The following MLXIPL variants were observed in gnomAD, a reference collection of about 807,000 sequenced individuals.
MLXIPL encodes the protein carbohydrate-responsive element-binding protein.
Under a neutral mutation model 81.5 loss-of-function variants are expected in MLXIPL, and 49 were observed. That is an observed-to-expected ratio of 0.60 (90% CI 0.48 to 0.76). The LOEUF (loss-of-function observed/expected upper bound fraction) is 0.76, where lower values mean the gene tolerates loss of function less well. Among genes scored for constraint, MLXIPL ranks in the 30% least tolerant of loss-of-function variants. The probability of loss-of-function intolerance (pLI) is 0.00; values close to 1 mark genes in which losing one functional copy is unlikely to be tolerated. For synonymous variants in MLXIPL, 466 were observed against 485.5 expected (o/e 0.96, Z 0.53); for missense variants, 1,053 against 1,167.0 (o/e 0.90, Z 1.42).
At chr7:73,637,634 C>G in the MLXIPL span, among the ~76,000 whole-genome samples, 2 of 151,500 alleles carry the variant, frequency 1.3e-5, no homozygotes, top group South Asian at 4.2e-4. Context: ...CCCCATTGCC[C>G]CGTTGTATAG....
rs1299945475 is a variant in MLXIPL, at chr7:73,597,713, C to A, written c.1072G>T (p.Ala358Ser). 5 of 1,336,634 alleles carry A rather than the reference C, an allele frequency of 3.7e-6. No homozygotes were observed. Among genetic ancestry groups the A allele is most frequent in the Non-Finnish European group, 4.8e-6 (5 of 1,046,500 alleles). 82.8% of individuals were successfully genotyped at this position (1,336,634 alleles called of 1,614,324 possible). A position where few individuals can be genotyped will look rare whatever the true frequency, so the allele number is the denominator to read the frequency against. The change falls in exon 9 of 17, where the codon GCT becomes TCT. Residue 358 changes from alanine (A) to serine (S), a missense_variant and splice_region_variant. By Grantham distance (99) the Ala-to-Ser change is moderately conservative. This residue lies in a region of MLXIPL where 823 missense variants were observed against 933.0 expected (regional missense o/e 0.88). Coordinates refer to ENST00000313375, the MANE Select transcript of MLXIPL (RefSeq NM_032951.3). The part of the protein sequence containing the change: ...THLSGHSRLQ[A>S]RNSCPGPLDS... ...AAGGGGCCAGGGCAGCTGTTCCGAGCCTGGTTGGGGGGACAGACAGACACT... is the reference window on the plus strand; with the variant it reads ...AAGGGGCCAGGGCAGCTGTTCCGAGACTGGTTGGGGGGACAGACAGACACT...
chr7:73,595,705 C>A lies in MLXIPL; in HGVS notation c.2242G>T (p.Asp748Tyr). 2 of 1,613,938 alleles carry A rather than the reference C, an allele frequency of 1.2e-6. No homozygotes were observed. Among genetic ancestry groups the A allele is most frequent in the Non-Finnish European group, 1.7e-6 (2 of 1,179,888 alleles). ...TCATCAAACATGTCTCGCATCTGGT[C>A]AAAACGCTGGTGTGTGATGGGTACC... ...TGVPITHQRF[D>Y]QMRDMFDDYV... The change falls in exon 15 of 17, where the codon GAC becomes TAC. Residue 748 changes from aspartate to tyrosine, a missense_variant. By Grantham distance (160) the Asp-to-Tyr change is radical (BLOSUM62 -3). Transcript: ENST00000313375.
At chr7:73,597,793 G>T in intron 8 of MLXIPL, 80 bp from the exon 9 acceptor site, 1 of 1,132,508 alleles carries the variant, frequency 8.8e-7, no homozygotes, top group Non-Finnish European at 1.1e-6. Flanking sequence ...CCCCTGCCCT[G>T]CCTTGCCCTG....
intron 2 of MLXIPL, among the ~76,000 whole-genome samples, chr7:73,608,702 C>T (rs1374992956): frequency 6.6e-6 from 1 of 152,214 alleles, no homozygotes; most frequent in African/African-American, 2.4e-5. Flanking sequence ...GAGAACCACC[C>T]TTGGTTCACT....
At chr7:73,599,819 G>A (rs72649015) in intron 7 of MLXIPL, 124 bp from the exon 8 acceptor site, 68,541 of 890,886 alleles carry the variant, frequency 0.077, 3,054 homozygotes, top group Middle Eastern at 0.15. Flanking sequence ...CGGGCAGAGG[G>A]TGGGGGTCCC....
chr7:73,624,345 C>G lies in MLXIPL; in HGVS notation c.148G>C (p.Gly50Arg), dbSNP rs898386945. 2.3e-5 allele frequency: 36 copies of G among 1,586,898 alleles called. No homozygotes were observed. Among genetic ancestry groups the G allele is most frequent in the Non-Finnish European group, 3.1e-5 (36 of 1,169,696 alleles). ...GLLRSQVIHSGHFMVSSPHSD... is the reference protein window; with the variant it reads ...GLLRSQVIHSRHFMVSSPHSD... ...TGCGGCGACGACACCATGAAGTGAC[C>G]GCTGTGGATGACCTGCGAGCGGAGC... The change falls in exon 1 of 17, where the codon GGT (glycine) becomes CGT (arginine). Residue 50 changes from glycine to arginine, a missense_variant. Gly to Arg is a moderately radical substitution (Grantham distance 125). Transcript: ENST00000313375.
At chr7:73,633,321 A>T in the MLXIPL span, among the ~76,000 whole-genome samples, 1 of 149,566 alleles carries the variant, frequency 6.7e-6, no homozygotes, top group Non-Finnish European at 1.5e-5. Flanking sequence ...TGACCTTGTG[A>T]TCCACCTGCC....
At chr7:73,647,476 C>T in the MLXIPL span, among the ~76,000 whole-genome samples, 5 of 152,176 alleles carry the variant, frequency 3.3e-5, no homozygotes, top group African/African-American at 1.2e-4. Context: ...CAGCCCAGTC[C>T]AGCCAGTGGG....
At position 73,593,744 on chromosome 7, in the gene MLXIPL, C is replaced by A; in HGVS notation, c.*121G>T. The A allele has an allele frequency of 2.2e-6, 2 of 915,768 alleles. No homozygotes were observed. The highest frequency in any genetic ancestry group is 4.9e-5 in the East Asian group (2 of 41,214). 56.7% of individuals were successfully genotyped at this position (915,768 alleles called of 1,614,324 possible). On this transcript the variant is annotated 3_prime_UTR_variant, in exon 17 of 17. Coordinates refer to ENST00000313375, the MANE Select transcript of MLXIPL (RefSeq NM_032951.3). ...GAAACCTGGACCCTGCTCCACCCCCCAGGGAAGGGCAGAGCCAGGGCCTGG... is the reference window on the plus strand; with the variant it reads ...GAAACCTGGACCCTGCTCCACCCCCAAGGGAAGGGCAGAGCCAGGGCCTGG...
the MLXIPL span, among the ~76,000 whole-genome samples, chr7:73,647,568 G>A: frequency 6.6e-6 from 1 of 152,194 alleles, no homozygotes; most frequent in South Asian, 2.1e-4. Flanking sequence ...AGTCCTCCCT[G>A]GGGTACGAGT....
chr7:73,631,558 CTTTTTTTT>C, the MLXIPL span, among the ~76,000 whole-genome samples: 5 of 69,662 alleles, frequency 7.2e-5, no homozygotes, highest in African/African-American at 1.1e-4. Flanking sequence ...GATGTTGCTA[CTTTTTTTT>C]TTTTTTTTTT....
At chr7:73,640,582 G>A in the MLXIPL span, among the ~76,000 whole-genome samples, 1 of 151,836 alleles carries the variant, frequency 6.6e-6, no homozygotes, top group Non-Finnish European at 1.5e-5. Context: ...TTCGAGGCCA[G>A]CCTGGCCAAC....
chr7:73,618,469 G>A (rs1228713060), intron 1 of MLXIPL, among the ~76,000 whole-genome samples: 1 of 151,942 alleles, frequency 6.6e-6, no homozygotes, highest in Non-Finnish European at 1.5e-5. Context: ...GGGGTGAAAT[G>A]TGGGTGGGTG....
chr7:73,608,190 CT>C (rs1795452952), intron 2 of MLXIPL, among the ~76,000 whole-genome samples: 2 of 152,180 alleles, frequency 1.3e-5, no homozygotes, highest in South Asian at 4.1e-4. Context: ...TGAATCCAAC[CT>C]CCCACACCTT....
chr7:73,606,280 T>A, intron 5 of MLXIPL, 169 bp from the exon 6 acceptor site: 1 of 688,154 alleles, frequency 1.5e-6, no homozygotes, highest in South Asian at 1.7e-5. Context: ...CCAAGATCAC[T>A]CCATTGGCCT....
At chr7:73,635,780 G>A in the MLXIPL span, among the ~76,000 whole-genome samples, 1 of 151,798 alleles carries the variant, frequency 6.6e-6, no homozygotes. Flanking sequence ...ATGTCTATCT[G>A]TCCATCCATC....
At chr7:73,630,644 A>C in the MLXIPL span, among the ~76,000 whole-genome samples, 1 of 152,166 alleles carries the variant, frequency 6.6e-6, no homozygotes, top group Non-Finnish European at 1.5e-5. Context: ...CCTTTGCTGA[A>C]GGTCACATGA....
intron 16 of MLXIPL, 42 bp downstream of exon 16, chr7:73,594,232 G>C (rs782163000): frequency 1.9e-6 from 3 of 1,608,904 alleles, no homozygotes; most frequent in Non-Finnish European, 2.5e-6. Context: ...CTCCACCCCC[G>C]AGGCTGGGTC....
Position 73,623,779 on chromosome 7 carries a change from C to G in MLXIPL, c.293+421G>C, listed in dbSNP as rs1426057627. Among the ~76,000 whole-genome samples the G allele has an allele frequency of 3.3e-5, 5 of 151,712 alleles. No homozygotes were observed. The highest frequency in any genetic ancestry group is 7.4e-5 in the Non-Finnish European group (5 of 67,936). On this transcript the variant is annotated intron_variant, in intron 1 of 16. Coordinates refer to ENST00000313375, the MANE Select transcript of MLXIPL (RefSeq NM_032951.3). This position sits in a 1 kb window ranked among gnomAD's most constrained non-coding sequence, Gnocchi z 5.7. Reference sequence around the variant, plus strand: ...GGGCCGGGGCTGCTGGGGAGAAGGCCGAGGCCTGCAGGGGGTCGGGTGGAG... The same window carrying G: ...GGGCCGGGGCTGCTGGGGAGAAGGCGGAGGCCTGCAGGGGGTCGGGTGGAG...
Sources: gnomAD v4.1 joint callset for allele counts (sites outside exome capture counted in the v4.1 genomes callset) on GRCh38, gnomAD v4.1.1 for gene constraint, gnomAD v4.1.1 regional missense constraint, Gnocchi (gnomAD v3.1) non-coding constraint, MANE v1.5 for transcripts, NCBI Gene and HGNC (gene_info 2026-07-23, HGNC 2026-07-21) for gene names.